MYH15: variants seen among roughly 807,000 people sequenced by gnomAD.
The protein encoded by MYH15 is myosin-15.
In MYH15, 227 loss-of-function variants were observed where a neutral mutation model predicts 240.5. The observed-to-expected ratio is 0.94, with a 90% CI of 0.85 to 1.05. The LOEUF is 1.05. MYH15 is among the 50% of genes least tolerant of loss of function. The pLI, the probability that MYH15 is intolerant of heterozygous loss-of-function variation, is 0.00. For synonymous variants in MYH15, 785 were observed against 796.7 expected (o/e 0.99, Z 0.25); for missense variants, 2,217 against 2,247.5 (o/e 0.99, Z 0.27).
At chr3:108,402,334 C>A (rs1190764534) in intron 33 of MYH15, among the ~76,000 whole-genome samples, 1 of 152,134 alleles carries the variant, frequency 6.6e-6, no homozygotes, top group Non-Finnish European at 1.5e-5. Flanking sequence ...GACCACGTGG[C>A]AAAGTTTGAC....
intron 37 of MYH15, among the ~76,000 whole-genome samples, chr3:108,391,044 T>A (rs182674595): frequency 6.6e-6 from 1 of 152,214 alleles, no homozygotes; most frequent in African/African-American, 2.4e-5. Context: ...CCTCACTGTA[T>A]GACTGTATGG....
chr3:108,524,572 T>C (rs2083651433), intron 1 of MYH15, among the ~76,000 whole-genome samples: 1 of 152,030 alleles, frequency 6.6e-6, no homozygotes, highest in Admixed American at 6.6e-5. Flanking sequence ...TTTCTTTTTA[T>C]AACTTAACAT....
At chr3:108,519,952 A>G (rs766793436) in intron 1 of MYH15, among the ~76,000 whole-genome samples, 7 of 152,220 alleles carry the variant, frequency 4.6e-5, no homozygotes, top group Non-Finnish European at 7.3e-5. Context: ...TGTAGTCAAC[A>G]TCTTTGCATA....
At position 108,428,599 on chromosome 3, in the gene MYH15, C is replaced by T. The variant is rs972055713; in HGVS notation, c.3595G>A (p.Val1199Ile). The T allele has an allele frequency of 1.5e-5, 25 of 1,613,858 alleles. No individual in the cohort carries two copies. Among genetic ancestry groups the T allele is most frequent in the Non-Finnish European group, 2.1e-5 (25 of 1,180,024 alleles). The change falls in exon 27 of 41, where the codon GTA becomes ATA. Residue 1199 changes from valine (V) to isoleucine (I), a missense_variant. Val to Ile is a conservative substitution (Grantham distance 29, BLOSUM62 3). Coordinates refer to ENST00000693548, the MANE Select transcript of MYH15 (RefSeq NM_014981.3). ...TGCTTGACCTGCTGTAGATTTTCTA[C>T]CTGGCCCTCGAGCTCAGCCAGGCTG... Reference protein sequence around the residue: ...ADSLAELEGQVENLQQVKQKL... With the variant: ...ADSLAELEGQIENLQQVKQKL...
chr3:108,518,960 A>G (rs2083595946), intron 1 of MYH15, among the ~76,000 whole-genome samples: 4 of 152,142 alleles, frequency 2.6e-5, no homozygotes, highest in Admixed American at 2.6e-4. Flanking sequence ...CTCAGAGAAG[A>G]CTCTAGTTCT....
chr3:108,454,545 A>G (rs2083003622), intron 20 of MYH15, among the ~76,000 whole-genome samples: 1 of 152,182 alleles, frequency 6.6e-6, no homozygotes, highest in Admixed American at 6.6e-5. Flanking sequence ...TGGGCTATAC[A>G]CAATCTCTGT....
At chr3:108,439,951 C>T in intron 23 of MYH15, 38 bp from the exon 24 acceptor site, 1 of 1,503,212 alleles carries the variant, frequency 6.7e-7, no homozygotes, top group Non-Finnish European at 8.9e-7. Flanking sequence ...AAAGCCACTG[C>T]TGGAAAGTTG....
Position 108,405,498 on chromosome 3 carries a change from A to C in MYH15, c.4621-45T>G, listed in dbSNP as rs762093783. On this transcript the variant is annotated intron_variant, in intron 32 of 40. Coordinates refer to ENST00000693548, the MANE Select transcript of MYH15 (RefSeq NM_014981.3). Reference sequence around the variant, plus strand: ...AGCATTAAATGAAGTCCACTTTTAGACAAAATTGTATTTTTTACCCAAAAC... The same window carrying C: ...AGCATTAAATGAAGTCCACTTTTAGCCAAAATTGTATTTTTTACCCAAAAC... 1.2e-5 allele frequency: 15 copies of C among 1,258,302 alleles called. No individual in the cohort carries two copies. The Admixed American group carries it at 3.4e-4, about 29-fold the overall frequency. The allele number at this position is 1,258,302 out of a possible 1,614,324, so 77.9% of individuals were successfully genotyped here. A position where few individuals can be genotyped will look rare whatever the true frequency, so the allele number is the denominator to read the frequency against.
At chr3:108,384,986 C>T (rs2082370832) in intron 38 of MYH15, among the ~76,000 whole-genome samples, 1 of 152,162 alleles carries the variant, frequency 6.6e-6, no homozygotes, top group Non-Finnish European at 1.5e-5. Flanking sequence ...TGTCCTGATC[C>T]ATCAACCTTT....
At chr3:108,541,344 C>G in the MYH15 span, among the ~76,000 whole-genome samples, 1 of 151,054 alleles carries the variant, frequency 6.6e-6, no homozygotes, top group Non-Finnish European at 1.5e-5. Context: ...AAATTCTTCA[C>G]AGAAAAGCTA....
intron 25 of MYH15, among the ~76,000 whole-genome samples, chr3:108,436,285 T>G (rs2082835154): frequency 6.6e-6 from 1 of 152,334 alleles, no homozygotes; most frequent in Middle Eastern, 3.4e-3. Flanking sequence ...AAACACAACT[T>G]CAAAATTGAA....
At chr3:108,400,834 C>T (rs914475133) in intron 33 of MYH15, among the ~76,000 whole-genome samples, 4 of 152,062 alleles carry the variant, frequency 2.6e-5, no homozygotes, top group Admixed American at 6.6e-5. Context: ...AGAAGGCATA[C>T]GGCCTACAGG....
rs1031098094 is a variant in MYH15 at position 108,482,736 on chromosome 3, AT to A, written c.1114+2354del. Among the ~76,000 whole-genome samples, 11 of 152,032 alleles carry A rather than the reference AT, an allele frequency of 7.2e-5. No homozygotes were observed. In the East Asian group the frequency reaches 1.4e-3, roughly 19 times the overall value. On this transcript the variant is annotated intron_variant, in intron 11 of 40. Coordinates refer to ENST00000693548, the MANE Select transcript of MYH15 (RefSeq NM_014981.3). ...CAACCTCTGTATCCTATTATTCCTTATTTTTTTAACTCTGCTTTACTTCCTT... is the reference window on the plus strand; with the variant it reads ...CAACCTCTGTATCCTATTATTCCTTATTTTTTAACTCTGCTTTACTTCCTT...
At position 108,460,319 on chromosome 3, in the gene MYH15, G is replaced by A. The variant is rs370614771; in HGVS notation, c.1913C>T (p.Thr638Met). The change falls in exon 17 of 41, where the codon ACG becomes ATG. Residue 638 changes from threonine (T) to methionine (M), a missense_variant. Physicochemically the swap from Thr to Met is moderately conservative, Grantham distance 81. Transcript: ENST00000693548. ...KKRKKGASFQ[T>M]VASLHKENLN... Reference sequence around the variant, plus strand: ...AATTACTTTATGCAGAGATGCAACCGTTTGGAATGAAGCTCCTTTCTTTCG... The same window carrying A: ...AATTACTTTATGCAGAGATGCAACCATTTGGAATGAAGCTCCTTTCTTTCG... 2.9e-5 allele frequency: 46 copies of A among 1,598,708 alleles called. No individual in the cohort carries two copies. In the Admixed American group the frequency reaches 4.6e-4, roughly 16 times the overall value.
intron 27 of MYH15, among the ~76,000 whole-genome samples, chr3:108,425,849 T>C (rs1456722): frequency 0.82 from 124,544 of 152,178 alleles, 51,472 homozygotes; most frequent in Non-Finnish European, 0.87. Flanking sequence ...GTGATTACAA[T>C]GCTGGTAGTA....
At chr3:108,456,937 A>T in intron 18 of MYH15, 54 bp from the exon 19 acceptor site, 2 of 1,321,062 alleles carry the variant, frequency 1.5e-6, no homozygotes, top group Non-Finnish European at 1.1e-6. Flanking sequence ...AATTATTGGG[A>T]CAGATTTTGA....
At chr3:108,529,377 G>T, upstream of MYH15, 2 of 818,210 alleles carry the variant, frequency 2.4e-6, no homozygotes, top group Non-Finnish European at 4.0e-6. Context: ...ACATTATGTT[G>T]ACAGCATGGG....
Position 108,451,657 on chromosome 3 carries a change from T to G in MYH15, c.2399+2349A>C, listed in dbSNP as rs148835307. Among the ~76,000 whole-genome samples the G allele has an allele frequency of 6.5e-3, 997 of 152,258 alleles. 9 individuals are homozygous for G. Among genetic ancestry groups the G allele is most frequent in the African/African-American group, 0.019 (794 of 41,570 alleles). ...TTGAAGAGAGAAAACATTCTTCAAC[T>G]GTTTTATGAGGTTAAGATAACCTTG... is the stretch of plus-strand genomic sequence containing the variant. On this transcript the variant is annotated intron_variant, in intron 21 of 40. Transcript: ENST00000693548.
intron 28 of MYH15, 65 bp downstream of exon 28, chr3:108,421,023 G>A: frequency 6.2e-7 from 1 of 1,602,734 alleles, no homozygotes; most frequent in Non-Finnish European, 8.5e-7. Context: ...CATTATCTCA[G>A]TTGTGCCTTC....
Sources: allele counts gnomAD v4.1 joint callset (sites outside exome capture counted in the v4.1 genomes callset), GRCh38; gene constraint gnomAD v4.1.1; transcripts MANE v1.5; gene names NCBI Gene and HGNC (gene_info 2026-07-23, HGNC 2026-07-21).